LDLRAD3: variants seen among roughly 807,000 people sequenced by gnomAD.
LDLRAD3 encodes low density lipoprotein receptor class A domain containing 3.
LDLRAD3 carries 20 observed loss-of-function variants against 29.4 expected under a neutral mutation model. That is an observed-to-expected ratio of 0.68 (90% CI 0.48 to 0.99). LDLRAD3 has a LOEUF of 0.99. Among genes scored for constraint, LDLRAD3 ranks in the 50% least tolerant of loss-of-function variants. The pLI is 0.00. For missense variants in LDLRAD3, 420 were observed against 454.3 expected, an observed-to-expected ratio of 0.92 and a Z score of 0.69; for synonymous variants, 157 against 192.7, an observed-to-expected ratio of 0.81 and a Z score of 1.53.
intron 4 of LDLRAD3, among the ~76,000 whole-genome samples, chr11:36,145,001 T>A (rs1353002167): frequency 1.7e-4 from 9 of 54,388 alleles, no homozygotes; most frequent in Non-Finnish European, 2.8e-4. Flanking sequence ...CCCCCCGCCC[T>A]GCCAGCCGCC....
rs544445110 is a variant in LDLRAD3, at chr11:36,128,082, T to TC, written c.454+29622dup. 1.3e-3 allele frequency among the ~76,000 whole-genome samples: 176 copies of TC among 140,078 alleles called. 1 individual carries two copies. Among genetic ancestry groups the TC allele is most frequent in the African/African-American group, 4.2e-3 (161 of 38,564 alleles). 91.9% of individuals were successfully genotyped at this position (140,078 alleles called of 152,430 possible). ...ATCAGGTGGCCGGGAGGTTCATAAC[T>TC]CAACTGTTGCGTATTGATGGCAGAG... On this transcript the variant is annotated intron_variant, in intron 4 of 5. Coordinates refer to ENST00000315571, the MANE Select transcript of LDLRAD3 (RefSeq NM_174902.4).
intron 3 of LDLRAD3, among the ~76,000 whole-genome samples, chr11:36,087,821 T>C (rs1853218189): frequency 6.6e-6 from 1 of 152,024 alleles, no homozygotes; most frequent in Admixed American, 6.6e-5. Context: ...AGGTGATTCT[T>C]CTACCTCAGC....
chr11:36,030,089 A>C (rs373903888), intron 1 of LDLRAD3, among the ~76,000 whole-genome samples: 2 of 152,190 alleles, frequency 1.3e-5, no homozygotes, highest in African/African-American at 4.8e-5. Context: ...GGCTACTGGA[A>C]TGAGCTCACA....
chr11:35,961,276 C>G (rs1356304905), intron 1 of LDLRAD3, among the ~76,000 whole-genome samples: 2 of 152,190 alleles, frequency 1.3e-5, no homozygotes, highest in East Asian at 3.9e-4. Context: ...AGAAGATAAG[C>G]AAAGCAGTGG....
chr11:36,069,436 C>A (rs186327754), intron 2 of LDLRAD3, among the ~76,000 whole-genome samples: 9 of 152,304 alleles, frequency 5.9e-5, no homozygotes, highest in African/African-American at 1.9e-4. Flanking sequence ...TCAGATCGAC[C>A]GCTTTTTGCA....
At chr11:35,994,809 A>G (rs1312345995) in intron 1 of LDLRAD3, among the ~76,000 whole-genome samples, 1 of 152,228 alleles carries the variant, frequency 6.6e-6, no homozygotes, top group Non-Finnish European at 1.5e-5. Context: ...TAGCATCTCC[A>G]TCAGGACTAG....
chr11:36,098,596 A>T, intron 4 of LDLRAD3, 135 bp downstream of exon 4: 1 of 1,013,086 alleles, frequency 9.9e-7, no homozygotes, highest in Non-Finnish European at 1.5e-6. Context: ...TCAGCCTTGC[A>T]GCCCTTGTAC....
At chr11:36,034,668 C>G (rs1327728830) in intron 1 of LDLRAD3, among the ~76,000 whole-genome samples, 1 of 152,106 alleles carries the variant, frequency 6.6e-6, no homozygotes, top group Non-Finnish European at 1.5e-5. Flanking sequence ...TGGTTGTTGC[C>G]CGCTTGTTCT....
intron 4 of LDLRAD3, among the ~76,000 whole-genome samples, chr11:36,111,602 T>TC (rs1393491096): frequency 6.6e-6 from 1 of 151,684 alleles, no homozygotes; most frequent in East Asian, 1.9e-4. Context: ...ATCTTTTTTT[T>TC]TTTTTTTTCT....
chr11:35,948,319 C>T (rs906585037), intron 1 of LDLRAD3, among the ~76,000 whole-genome samples: 3 of 151,970 alleles, frequency 2.0e-5, no homozygotes, highest in Non-Finnish European at 2.9e-5. Flanking sequence ...TGTTCTTTTC[C>T]CCTCTTTCTG....
chr11:35,991,260 C>T (rs1201616534), intron 1 of LDLRAD3, among the ~76,000 whole-genome samples: 1 of 152,164 alleles, frequency 6.6e-6, no homozygotes, highest in Non-Finnish European at 1.5e-5. Flanking sequence ...CCTTCGGGCA[C>T]TTTTGTCTTG....
chr11:36,098,153 G>A (rs1853390652), intron 3 of LDLRAD3, among the ~76,000 whole-genome samples, 174 bp from the exon 4 acceptor site: 2 of 152,210 alleles, frequency 1.3e-5, no homozygotes, highest in African/African-American at 2.4e-5. Flanking sequence ...GGCAGAGTAA[G>A]TCTTGTGTCC....
intron 2 of LDLRAD3, among the ~76,000 whole-genome samples, chr11:36,076,860 A>G (rs1454892232): frequency 6.6e-6 from 1 of 151,188 alleles, no homozygotes; most frequent in Admixed American, 6.6e-5. Context: ...TTTTTTCTTT[A>G]GCTTTATGGA....
intron 2 of LDLRAD3, among the ~76,000 whole-genome samples, chr11:36,066,001 A>G (rs574021928): frequency 2.9e-4 from 44 of 152,206 alleles, no homozygotes; most frequent in African/African-American, 1.0e-3. Flanking sequence ...AGCCAAGGGG[A>G]TGGGAGAGGG....
At chr11:36,076,311 C>T (rs952049088) in intron 2 of LDLRAD3, among the ~76,000 whole-genome samples, 1 of 152,012 alleles carries the variant, frequency 6.6e-6, no homozygotes, top group African/African-American at 2.4e-5. Flanking sequence ...TGGTGACCTC[C>T]AATTCCTTCA....
intron 4 of LDLRAD3, among the ~76,000 whole-genome samples, chr11:36,127,200 ATGTCTTTACTTTAT>A (rs1304903978): frequency 6.6e-6 from 1 of 152,228 alleles, no homozygotes; most frequent in African/African-American, 2.4e-5. Flanking sequence ...GGTTTAAGGA[ATGTCTTTACTTTAT>A]TGTTTATATA....
intron 4 of LDLRAD3, among the ~76,000 whole-genome samples, chr11:36,217,240 T>C (rs754314979): frequency 1.3e-5 from 2 of 152,154 alleles, no homozygotes; most frequent in Non-Finnish European, 2.9e-5. Flanking sequence ...TGTTGACATG[T>C]TTCAGAGTTA....
intron 1 of LDLRAD3, among the ~76,000 whole-genome samples, chr11:35,999,658 C>G (rs1851798808): frequency 6.6e-6 from 1 of 152,212 alleles, no homozygotes; most frequent in Admixed American, 6.5e-5. Context: ...CCAAAGTGCA[C>G]TAATTCTGAA....
intron 4 of LDLRAD3, among the ~76,000 whole-genome samples, chr11:36,195,281 G>A (rs1321915350): frequency 3.0e-5 from 2 of 67,388 alleles, no homozygotes; most frequent in African/African-American, 6.3e-5. Flanking sequence ...GGAAAGTTGT[G>A]CATTTTTCTA....
Sources: allele counts gnomAD v4.1 joint callset (sites outside exome capture counted in the v4.1 genomes callset), GRCh38; gene constraint gnomAD v4.1.1; transcripts MANE v1.5; gene names NCBI Gene and HGNC (gene_info 2026-07-23, HGNC 2026-07-21).